ST8SIA6: variants seen among roughly 807,000 people sequenced by gnomAD.
The protein encoded by ST8SIA6 is alpha-2,8-sialyltransferase 8F.
ST8SIA6 carries 39 observed loss-of-function variants against 33.6 expected under a neutral mutation model. The ratio of observed to expected loss-of-function variants is 1.16; its 90% CI spans 0.90 to 1.52. The LOEUF (loss-of-function observed/expected upper bound fraction) is 1.52. Ranked by LOEUF, ST8SIA6 falls within the 40% of genes most tolerant of loss-of-function variation. ST8SIA6 has a pLI of 0.00. For synonymous variants in ST8SIA6, 172 were observed against 167.2 expected, an observed-to-expected ratio of 1.03 and a Z score of -0.22; for missense variants, 441 against 443.8, an observed-to-expected ratio of 0.99 and a Z score of 0.06.
intron 2 of ST8SIA6, among the ~76,000 whole-genome samples, chr10:17,417,879 G>A (rs903510870): frequency 6.6e-6 from 1 of 152,150 alleles, no homozygotes; most frequent in Non-Finnish European, 1.5e-5. Flanking sequence ...GGAGAAATCT[G>A]TTGTCAGTCA....
intron 4 of ST8SIA6, among the ~76,000 whole-genome samples, chr10:17,334,091 G>A (rs1288679977): frequency 6.6e-6 from 1 of 151,474 alleles, no homozygotes; most frequent in Non-Finnish European, 1.5e-5. Flanking sequence ...AAGATAAATG[G>A]CAAAGCAGTT....
intron 2 of ST8SIA6, among the ~76,000 whole-genome samples, chr10:17,417,419 T>A (rs1184806762): frequency 6.6e-6 from 1 of 152,156 alleles, no homozygotes; most frequent in Non-Finnish European, 1.5e-5. Context: ...TTCCTCTGCC[T>A]TGAGCGTTCC....
At chr10:17,366,787 G>A (rs1213405173) in intron 3 of ST8SIA6, among the ~76,000 whole-genome samples, 1 of 152,020 alleles carries the variant, frequency 6.6e-6, no homozygotes, top group Non-Finnish European at 1.5e-5. Flanking sequence ...CACAGAGAGG[G>A]ATCCATGGGA....
chr10:17,440,339 G>A (rs984777047), intron 2 of ST8SIA6, among the ~76,000 whole-genome samples: 2 of 151,596 alleles, frequency 1.3e-5, no homozygotes, highest in African/African-American at 4.9e-5. Flanking sequence ...CCAAGTAGCT[G>A]GGATTACAGG....
intron 2 of ST8SIA6, among the ~76,000 whole-genome samples, chr10:17,407,744 G>A (rs761214664): frequency 2.0e-5 from 3 of 152,158 alleles, no homozygotes; most frequent in Non-Finnish European, 4.4e-5. Context: ...TGGACTAAGG[G>A]TCTCACTTTG....
intron 3 of ST8SIA6, among the ~76,000 whole-genome samples, chr10:17,376,877 G>C (rs1158516481): frequency 2.0e-5 from 3 of 152,144 alleles, no homozygotes; most frequent in Non-Finnish European, 4.4e-5. Context: ...CAAAGTAAGA[G>C]AAAGAGTCAA....
intron 2 of ST8SIA6, among the ~76,000 whole-genome samples, chr10:17,451,037 A>AT (rs1160289545): frequency 6.6e-6 from 1 of 152,168 alleles, no homozygotes; most frequent in Non-Finnish European, 1.5e-5. Flanking sequence ...ACTGTGGGCA[A>AT]TTTACTTCAT....
chr10:17,383,486 G>T (rs1009986600), intron 3 of ST8SIA6, among the ~76,000 whole-genome samples: 2 of 152,184 alleles, frequency 1.3e-5, no homozygotes, highest in African/African-American at 4.8e-5. Context: ...TACCTTATCA[G>T]TAATAATCAT....
At chr10:17,344,771 G>A (rs1481775060) in intron 4 of ST8SIA6, among the ~76,000 whole-genome samples, 2 of 152,166 alleles carry the variant, frequency 1.3e-5, no homozygotes, top group African/African-American at 4.8e-5. Context: ...CAAGGGCCAG[G>A]GAAGACCCAG....
At chr10:17,445,652 C>G (rs1022518711) in intron 2 of ST8SIA6, among the ~76,000 whole-genome samples, 15 of 152,196 alleles carry the variant, frequency 9.9e-5, no homozygotes, top group African/African-American at 3.6e-4. Flanking sequence ...TCCCCAGTGC[C>G]CCTTCATTTC....
intron 2 of ST8SIA6, among the ~76,000 whole-genome samples, chr10:17,416,822 A>G (rs994364530): frequency 6.6e-6 from 1 of 152,224 alleles, no homozygotes; most frequent in African/African-American, 2.4e-5. Flanking sequence ...CTTGTCATAC[A>G]TGACATATTG....
At chr10:17,360,646 T>C (rs1169038797) in intron 3 of ST8SIA6, among the ~76,000 whole-genome samples, 1 of 151,630 alleles carries the variant, frequency 6.6e-6, no homozygotes, top group Admixed American at 6.6e-5. Flanking sequence ...CTGACACCAA[T>C]AAGAAAAAGA....
rs904404185 is a variant in ST8SIA6, at chr10:17,407,256, T to G, written c.201-16636A>C. Among the ~76,000 whole-genome samples, 5 of 152,204 alleles carry G rather than the reference T, an allele frequency of 3.3e-5. 1 individual carries two copies. The highest frequency in any genetic ancestry group is 2.6e-4 in the Admixed American group (4 of 15,280). On this transcript the variant is annotated intron_variant, in intron 2 of 7. Coordinates refer to ENST00000377602, the MANE Select transcript of ST8SIA6 (RefSeq NM_001004470.3). ...ACATATATGTCACCATAGTAACAAT[T>G]GCTTAAGTTGTCTTTCAGGAACTTG...
intron 2 of ST8SIA6, among the ~76,000 whole-genome samples, chr10:17,445,819 G>A (rs566517922): frequency 3.8e-4 from 58 of 152,138 alleles, no homozygotes; most frequent in Non-Finnish European, 3.5e-4. Flanking sequence ...GTGGATACTG[G>A]GACAGCCTGG....
At chr10:17,430,229 T>G (rs551695142) in intron 2 of ST8SIA6, among the ~76,000 whole-genome samples, 61 of 152,230 alleles carry the variant, frequency 4.0e-4, no homozygotes, top group Non-Finnish European at 7.5e-4. Flanking sequence ...AAAGACATTA[T>G]TTTGTTTCTT....
intron 2 of ST8SIA6, chr10:17,413,265 C>G (rs1395815834): frequency 6.6e-6 from 1 of 151,228 alleles, no homozygotes; most frequent in Non-Finnish European, 1.5e-5. Flanking sequence ...TTTTCTTCTC[C>G]TCTTCTTTTT....
intron 2 of ST8SIA6, among the ~76,000 whole-genome samples, chr10:17,451,877 C>G (rs960743573): frequency 6.6e-6 from 1 of 152,012 alleles, no homozygotes; most frequent in African/African-American, 2.4e-5. Flanking sequence ...TTTTAGAAAG[C>G]TTAATAAAAT....
chr10:17,397,226 G>GTTTTTTT (rs1483021820), intron 2 of ST8SIA6, among the ~76,000 whole-genome samples: 21 of 80,042 alleles, frequency 2.6e-4, no homozygotes, highest in Non-Finnish European at 3.3e-4. Context: ...TTTGCAAATT[G>GTTTTTTT]TTTTTTGTTT....
At chr10:17,451,134 A>G (rs1347255308) in intron 2 of ST8SIA6, among the ~76,000 whole-genome samples, 1 of 152,222 alleles carries the variant, frequency 6.6e-6, no homozygotes, top group African/African-American at 2.4e-5. Flanking sequence ...AATTAAATGT[A>G]AAGTGCTTAT....
Sources: allele counts gnomAD v4.1 joint callset (sites outside exome capture counted in the v4.1 genomes callset), GRCh38; gene constraint gnomAD v4.1.1; transcripts MANE v1.5; gene names NCBI Gene and HGNC (gene_info 2026-07-23, HGNC 2026-07-21).